TRIP12: variants seen among roughly 807,000 people sequenced by gnomAD.
The protein encoded by TRIP12 is thyroid hormone receptor interactor 12, also known as E3 ubiquitin-protein ligase TRIP12.
TRIP12 carries 25 observed loss-of-function variants against 244.2 expected under a neutral mutation model. The observed-to-expected ratio is 0.10, with a 90% CI of 0.07 to 0.14. The LOEUF (loss-of-function observed/expected upper bound fraction) is 0.14, where lower values mean the gene tolerates loss of function less well. Ranked by LOEUF, TRIP12 falls within the 10% of genes least tolerant of loss-of-function variation. The probability of loss-of-function intolerance (pLI) is 1.00; values close to 1 mark genes in which losing one functional copy is unlikely to be tolerated. For synonymous variants in TRIP12, 905 were observed against 873.1 expected (o/e 1.04, Z -0.64); for missense variants, 1,677 against 2,486.4 (o/e 0.67, Z 6.92).
At chr2:229,842,170 C>T (rs761787666) in intron 4 of TRIP12, among the ~76,000 whole-genome samples, 18 of 152,128 alleles carry the variant, frequency 1.2e-4, no homozygotes, top group Non-Finnish European at 2.6e-4. Context: ...GTGAAGCTGA[C>T]ATAAAAGAAT....
chr2:229,850,266 CTT>C (rs1442232192), intron 4 of TRIP12, among the ~76,000 whole-genome samples: 1 of 152,026 alleles, frequency 6.6e-6, no homozygotes, highest in African/African-American at 2.4e-5. Flanking sequence ...TAAATGATCT[CTT>C]TTTTAAATTT....
At chr2:229,921,608 G>A (rs2076587484) in intron 1 of TRIP12, 1 of 152,090 alleles carries the variant, frequency 6.6e-6, no homozygotes, top group East Asian at 1.9e-4. Context: ...AGCCGGAGGA[G>A]GGACCCAGCG....
At chr2:229,803,073 C>G (rs13035379) in intron 20 of TRIP12, among the ~76,000 whole-genome samples, 38,838 of 152,126 alleles carry the variant, frequency 0.26, 6,076 homozygotes, top group Middle Eastern at 0.42. Flanking sequence ...TGATTATCAG[C>G]TAGTATAAAC....
At chr2:229,909,038 T>C (rs1401272679) in intron 1 of TRIP12, among the ~76,000 whole-genome samples, 1 of 138,050 alleles carries the variant, frequency 7.2e-6, no homozygotes, top group African/African-American at 2.8e-5. Context: ...TGCACTGAGC[T>C]GAGATCACGC....
chr2:229,882,933 A>G (rs897691131), intron 1 of TRIP12, among the ~76,000 whole-genome samples: 1 of 152,240 alleles, frequency 6.6e-6, no homozygotes, highest in East Asian at 1.9e-4. Flanking sequence ...GGTAAGAACA[A>G]AGCTGTTTAT....
rs1481620863 is a variant in TRIP12, at chr2:229,765,710, A to G, written c.*1844T>C. The G allele has an allele frequency of 6.6e-6, 1 of 152,256 alleles. No individual in the cohort carries two copies. Among genetic ancestry groups the G allele is most frequent in the African/African-American group, 2.4e-5 (1 of 41,474 alleles). 9.4% of individuals were successfully genotyped at this position (152,256 alleles called of 1,614,324 possible). On this transcript the variant is annotated 3_prime_UTR_variant, in exon 42 of 42. Transcript: ENST00000675903. Reference sequence around the variant, plus strand: ...ATCCTTGTGCTTAATTTGCAGGAAGATATCAGAACAGTTGAAAACAAATTG... The same window carrying G: ...ATCCTTGTGCTTAATTTGCAGGAAGGTATCAGAACAGTTGAAAACAAATTG...
chr2:229,917,830 T>A (rs1161750393), intron 1 of TRIP12, among the ~76,000 whole-genome samples: 1 of 152,206 alleles, frequency 6.6e-6, no homozygotes, highest in Non-Finnish European at 1.5e-5. Context: ...TGCCTAGAAC[T>A]ACTGATGCAT....
chr2:229,879,135 C>T (rs1379473696), intron 2 of TRIP12, among the ~76,000 whole-genome samples: 1 of 151,842 alleles, frequency 6.6e-6, no homozygotes, highest in Non-Finnish European at 1.5e-5. Flanking sequence ...ACCTGTAATC[C>T]CAGCTACTTG....
At position 229,858,294 on chromosome 2, in the gene TRIP12, C is replaced by T. The variant is rs143435949; in HGVS notation, c.1027+478G>A. ...AAGAGGATTGCTTAAGCCCAGGAGG[C>T]GGAGGTTGCAGTGAGCCGAGACTGC... On this transcript the variant is annotated intron_variant, in intron 4 of 41. Coordinates refer to ENST00000675903, the MANE Select transcript of TRIP12 (RefSeq NM_001348323.3). Among the ~76,000 whole-genome samples the T allele has an allele frequency of 8.8e-3, 1,340 of 152,176 alleles. 16 individuals carry two copies. The highest frequency in any genetic ancestry group is 0.03 in the African/African-American group (1,262 of 41,524).
intron 17 of TRIP12, among the ~76,000 whole-genome samples, chr2:229,806,816 T>G (rs1446192986): frequency 6.6e-6 from 1 of 152,196 alleles, no homozygotes; most frequent in Non-Finnish European, 1.5e-5. Context: ...AGAAACGAAC[T>G]AGAAGGCACC....
upstream of TRIP12, among the ~76,000 whole-genome samples, chr2:229,922,871 C>T (rs1014607036): frequency 6.6e-6 from 1 of 152,186 alleles, no homozygotes; most frequent in Non-Finnish European, 1.5e-5. Context: ...CCCGCCACCC[C>T]GGCTTCTTAC....
rs1018051121 is a variant in TRIP12, at chr2:229,765,053, T to C, written c.*2501A>G. 2.0e-5 allele frequency: 3 copies of C among 152,188 alleles called. No homozygotes were observed. Among genetic ancestry groups the C allele is most frequent in the South Asian group, 2.1e-4 (1 of 4,830 alleles). The allele number at this position is 152,188 out of a possible 1,614,324, so 9.4% of individuals were successfully genotyped here. A position where few individuals can be genotyped will look rare whatever the true frequency, so the allele number is the denominator to read the frequency against. ...CTTACAGTTCAGTTTTCTGGGGGGA[T>C]AGGAAGAGGGGATTACATTTAGCTA... On this transcript the variant is annotated 3_prime_UTR_variant, in exon 42 of 42. Coordinates refer to ENST00000675903, the MANE Select transcript of TRIP12 (RefSeq NM_001348323.3).
intron 32 of TRIP12, 128 bp downstream of exon 32, chr2:229,788,664 TTAAGCA>T: frequency 7.4e-6 from 9 of 1,218,702 alleles, no homozygotes; most frequent in Non-Finnish European, 1.0e-5. Flanking sequence ...AGCCACACAA[TTAAGCA>T]AGTTGTGATC....
chr2:229,918,031 G>A (rs1030366218), intron 1 of TRIP12, among the ~76,000 whole-genome samples: 3 of 152,010 alleles, frequency 2.0e-5, no homozygotes, highest in Non-Finnish European at 4.4e-5. Flanking sequence ...CTTGCCCTCA[G>A]GAAGCCTACA....
chr2:229,793,205 T>TAAATACA, intron 26 of TRIP12, 60 bp from the exon 27 acceptor site: 1 of 1,518,400 alleles, frequency 6.6e-7, no homozygotes, highest in Non-Finnish European at 8.9e-7. Flanking sequence ...TATACATTAA[T>TAAATACA]TCAAATAAAG....
At chr2:229,825,949 C>G (rs2051440428) in intron 8 of TRIP12, among the ~76,000 whole-genome samples, 1 of 152,184 alleles carries the variant, frequency 6.6e-6, no homozygotes, top group South Asian at 2.1e-4. Flanking sequence ...TAATACACAT[C>G]TCAACCCACT....
At chr2:229,900,657 T>C (rs2070449013) in intron 1 of TRIP12, 1 of 151,932 alleles carries the variant, frequency 6.6e-6, no homozygotes, top group Admixed American at 6.6e-5. Context: ...AGGTCAGGAG[T>C]TGGAGATCAC....
chr2:229,795,090 A>G (rs1217603827), intron 26 of TRIP12, 89 bp downstream of exon 26: 1 of 1,470,232 alleles, frequency 6.8e-7, no homozygotes, highest in Non-Finnish European at 9.1e-7. Context: ...GGGCCAATCA[A>G]GACTTTACCA....
At chr2:229,890,755 T>C (rs1390470047) in intron 1 of TRIP12, among the ~76,000 whole-genome samples, 1 of 152,108 alleles carries the variant, frequency 6.6e-6, no homozygotes, top group Non-Finnish European at 1.5e-5. Context: ...TTTTCAAAAG[T>C]TAAAAAAAAA....
Sources: allele counts gnomAD v4.1 joint callset (sites outside exome capture counted in the v4.1 genomes callset), GRCh38; gene constraint gnomAD v4.1.1; transcripts MANE v1.5; gene names NCBI Gene and HGNC (gene_info 2026-07-23, HGNC 2026-07-21).